Variants in TVP23A observed in about 807,000 individuals in gnomAD.
TVP23A encodes the protein Golgi apparatus membrane protein TVP23 homolog A.
TVP23A carries 21 observed loss-of-function variants against 31.7 expected under a neutral mutation model. That is an observed-to-expected ratio of 0.66 (90% CI 0.47 to 0.95). The LOEUF (loss-of-function observed/expected upper bound fraction) is 0.95, where lower values mean the gene tolerates loss of function less well. Ranked by LOEUF, TVP23A falls within the 40% of genes least tolerant of loss-of-function variation. TVP23A has a pLI of 0.00. For synonymous variants in TVP23A, 104 were observed against 96.0 expected, an observed-to-expected ratio of 1.08 and a Z score of -0.49; for missense variants, 279 against 255.6, an observed-to-expected ratio of 1.09 and a Z score of -0.62.
chr16:10,804,509 A>C lies in TVP23A; in HGVS notation c.89+13594T>G, dbSNP rs533752110. Reference sequence around the variant, plus strand: ...ATGCCTGGAATCCCAGCACCTTGGGAGGCCAAGGCAAGAGGATTGCCTGAG... The same window carrying C: ...ATGCCTGGAATCCCAGCACCTTGGGCGGCCAAGGCAAGAGGATTGCCTGAG... On this transcript the variant is annotated intron_variant, in intron 2 of 7. Transcript: ENST00000299866. Among the ~76,000 whole-genome samples the C allele has an allele frequency of 3.6e-3, 546 of 152,322 alleles. 3 individuals are homozygous for C. The highest frequency in any genetic ancestry group is 0.013 in the African/African-American group (524 of 41,572).
At chr16:10,786,733 AACCTGGTGATGACTGGGGATGGGCATTG>A (rs1326955522) in intron 2 of TVP23A, among the ~76,000 whole-genome samples, 3 of 1,538 alleles carry the variant, frequency 2.0e-3, no homozygotes, top group Non-Finnish European at 4.1e-3. Context: ...GGGCATTGGG[AACCTGGTGATGACTGGGGATGGGCATTG>A]GGAACGTCAG....
downstream of TVP23A, chr16:10,765,195 G>A (rs999451468): frequency 6.6e-6 from 1 of 152,342 alleles, no homozygotes; most frequent in Admixed American, 6.6e-5. The surrounding 1 kb of genome is among the most constrained non-coding windows in gnomAD (Gnocchi z 4.0). Flanking sequence ...GTTTAATGAA[G>A]AGCTAGAAAT....
intron 2 of TVP23A, among the ~76,000 whole-genome samples, chr16:10,816,339 A>T (rs1200981159): frequency 7.3e-6 from 1 of 136,520 alleles, no homozygotes; most frequent in East Asian, 2.0e-4. Flanking sequence ...TTAATTAAGA[A>T]TTTTTTTTTT....
intron 2 of TVP23A, among the ~76,000 whole-genome samples, chr16:10,810,264 T>A (rs1055680267): frequency 6.6e-6 from 1 of 151,596 alleles, no homozygotes; most frequent in Non-Finnish European, 1.5e-5. Flanking sequence ...GAAAAGAAGA[T>A]CCACCCTCAT....
rs145440470 is a variant in TVP23A at position 10,768,840 on chromosome 16, G to C, written c.*262C>G. On this transcript the variant is annotated 3_prime_UTR_variant, in exon 8 of 8. Coordinates refer to ENST00000299866, the MANE Select transcript of TVP23A (RefSeq NM_001079512.4). This position sits in a 1 kb window ranked among gnomAD's most constrained non-coding sequence, Gnocchi z 4.3. Reference sequence around the variant, plus strand: ...TCCATCTATAGATGGTCCGAGGAAGGCCGCAGCCACTGGTTATGAGCAAGA... The same window carrying C: ...TCCATCTATAGATGGTCCGAGGAAGCCCGCAGCCACTGGTTATGAGCAAGA... 1.9e-6 allele frequency: 1 copy of C among 526,008 alleles called. No homozygotes were observed. The highest frequency in any genetic ancestry group is 3.4e-6 in the Non-Finnish European group (1 of 296,390). The allele number at this position is 526,008 out of a possible 1,614,324, so 32.6% of individuals were successfully genotyped here.
intron 2 of TVP23A, among the ~76,000 whole-genome samples, chr16:10,817,067 C>G (rs2034477251): frequency 6.6e-6 from 1 of 152,032 alleles, no homozygotes; most frequent in African/African-American, 2.4e-5. Context: ...TCACCAAAAG[C>G]TGGAAAAGGC....
At chr16:10,774,800 G>A (rs1256478292) in intron 3 of TVP23A, among the ~76,000 whole-genome samples, 152 bp downstream of exon 3, 26 of 151,998 alleles carry the variant, frequency 1.7e-4, no homozygotes, top group Non-Finnish European at 7.4e-5. Flanking sequence ...TAGTAGAGAC[G>A]GGGTTTCTCC....
chr16:10,775,551 G>A, intron 2 of TVP23A: 3 of 1,018,754 alleles, frequency 2.9e-6, no homozygotes, highest in Non-Finnish European at 3.5e-6. Context: ...CGTGTTCCTG[G>A]ACAGAGGGAA....
intron 5 of TVP23A, 73 bp downstream of exon 5, chr16:10,773,240 C>G: frequency 6.7e-7 from 1 of 1,502,156 alleles, no homozygotes; most frequent in Non-Finnish European, 8.9e-7. Flanking sequence ...CAAATAACAA[C>G]AAAAGCCTAG....
At chr16:10,788,067 T>C (rs974651684) in intron 2 of TVP23A, among the ~76,000 whole-genome samples, 4 of 151,998 alleles carry the variant, frequency 2.6e-5, no homozygotes, top group South Asian at 2.1e-4. Flanking sequence ...CTTCATACAT[T>C]TTAGGGAGAC....
At chr16:10,757,616 G>A (rs1900644890), downstream of TVP23A, among the ~76,000 whole-genome samples, 1 of 152,226 alleles carries the variant, frequency 6.6e-6, no homozygotes, top group East Asian at 1.9e-4. The surrounding 1 kb of genome is among the most constrained non-coding windows in gnomAD (Gnocchi z 4.1). Flanking sequence ...TTCACTCCCA[G>A]TTGAGAGCCA....
At chr16:10,775,448 T>C (rs1232632025) in intron 2 of TVP23A, 24 of 1,071,598 alleles carry the variant, frequency 2.2e-5, no homozygotes, top group Non-Finnish European at 2.7e-5. Context: ...GCCAGTTCCC[T>C]AAAGGTAAAG....
chr16:10,775,094 T>G lies in TVP23A; in HGVS notation c.92A>C (p.His31Pro). The G allele has an allele frequency of 6.2e-7, 1 of 1,606,756 alleles. No individual in the cohort carries two copies. Residue 31 changes from histidine to proline, a missense_variant and splice_region_variant, in exon 3 of 8, where the codon CAC (histidine) becomes CCC (proline). Physicochemically the swap from His to Pro is moderately conservative, Grantham distance 77 (BLOSUM62 -2). Coordinates refer to ENST00000299866, the MANE Select transcript of TVP23A (RefSeq NM_001079512.4). ...ELAFRKAKIR[H>P]PLATFFHLFF... ...CAGGTGGAAAAAGGTGGCCAAGGGG[T>G]GTCTAGGAAAGGACCCAGAAGGCGC...
downstream of TVP23A, chr16:10,763,811 T>C (rs1313512540): frequency 1.9e-5 from 3 of 155,228 alleles, no homozygotes; most frequent in African/African-American, 7.2e-5. Context: ...GATGAAGGAG[T>C]GGGGGAAGGA....
exon 9 of TVP23A, chr16:10,761,533 A>T: frequency 7.2e-7 from 1 of 1,393,576 alleles, no homozygotes; most frequent in Non-Finnish European, 1.0e-6. Flanking sequence ...TGAGGAAACG[A>T]TCGGAAGGCT....
At chr16:10,771,609 G>C in intron 6 of TVP23A, 61 bp downstream of exon 6, 1 of 1,599,092 alleles carries the variant, frequency 6.3e-7, no homozygotes, top group East Asian at 2.2e-5. Context: ...TTGCCAGCAG[G>C]CCACCTTGAC....
chr16:10,786,974 G>C (rs1391617488), intron 2 of TVP23A, among the ~76,000 whole-genome samples: 1 of 151,894 alleles, frequency 6.6e-6, no homozygotes, highest in Non-Finnish European at 1.5e-5. Context: ...CCCCCATTGA[G>C]TAATGGACTG....
At chr16:10,757,776 A>C, downstream of TVP23A, 2 of 1,480,452 alleles carry the variant, frequency 1.4e-6, no homozygotes, top group Non-Finnish European at 1.8e-6. This position sits in a 1 kb window ranked among gnomAD's most constrained non-coding sequence, Gnocchi z 4.1. Flanking sequence ...CAACCTGGGC[A>C]ACATAGCAAG....
At position 10,804,273 on chromosome 16, in the gene TVP23A, C is replaced by T. The variant is rs959713479; in HGVS notation, c.89+13830G>A. Among the ~76,000 whole-genome samples the T allele has an allele frequency of 6.6e-5, 10 of 152,264 alleles. No individual in the cohort carries two copies. In the East Asian group the frequency reaches 1.4e-3, roughly 21 times the overall value. On this transcript the variant is annotated intron_variant, in intron 2 of 7. Transcript: ENST00000299866. ...CTCTTGGGCCCCTGGAAAATGCTTT[C>T]GTTGGGATAATATTTTCTCACCACT...
Sources: allele counts gnomAD v4.1 joint callset (sites outside exome capture counted in the v4.1 genomes callset), GRCh38; gene constraint gnomAD v4.1.1; non-coding constraint Gnocchi (gnomAD v3.1); transcripts MANE v1.5; gene names NCBI Gene and HGNC (gene_info 2026-07-23, HGNC 2026-07-21).